Variants in KCNH8 observed in about 807,000 individuals in gnomAD.
KCNH8 encodes the protein voltage-gated delayed rectifier potassium channel KCNH8.
A neutral mutation model predicts 103.6 loss-of-function variants in KCNH8; 70 were observed. The ratio of observed to expected loss-of-function variants is 0.68; its 90% CI spans 0.56 to 0.82. KCNH8 has a LOEUF of 0.82. Ranked by LOEUF, KCNH8 falls within the 40% of genes least tolerant of loss-of-function variation. The pLI, the probability that KCNH8 is intolerant of heterozygous loss-of-function variation, is 0.00. For missense variants in KCNH8, 1,217 were observed against 1,329.9 expected (o/e 0.92, Z 1.32); for synonymous variants, 498 against 489.4 (o/e 1.02, Z -0.23).
chr3:19,226,901 G>T (rs2063938665), intron 1 of KCNH8, among the ~76,000 whole-genome samples: 1 of 152,116 alleles, frequency 6.6e-6, no homozygotes, highest in Non-Finnish European at 1.5e-5. Context: ...ATACAATTCT[G>T]CAGATCCACA....
intron 3 of KCNH8, among the ~76,000 whole-genome samples, chr3:19,286,398 G>C (rs2125277867): frequency 6.6e-6 from 1 of 152,334 alleles, no homozygotes; most frequent in South Asian, 2.1e-4. Context: ...AATGCACAGA[G>C]GGACTGCTGA....
intron 15 of KCNH8, among the ~76,000 whole-genome samples, chr3:19,527,805 C>T (rs2069091457): frequency 6.6e-6 from 1 of 152,034 alleles, no homozygotes; most frequent in Middle Eastern, 3.2e-3. Context: ...AAATGCGTTG[C>T]CTGCAAAACA....
At chr3:19,369,537 CA>C (rs778832553) in intron 5 of KCNH8, among the ~76,000 whole-genome samples, 12 of 152,050 alleles carry the variant, frequency 7.9e-5, no homozygotes, top group South Asian at 6.2e-4. Context: ...TGGTGGCCCC[CA>C]AAACAGTATC....
At chr3:19,311,845 A>C (rs1014662852) in intron 3 of KCNH8, among the ~76,000 whole-genome samples, 1 of 151,952 alleles carries the variant, frequency 6.6e-6, no homozygotes, top group Non-Finnish European at 1.5e-5. Flanking sequence ...AGCCTTTCTG[A>C]GAACTGAGTT....
chr3:19,153,609 C>A (rs142428142), intron 1 of KCNH8, among the ~76,000 whole-genome samples: 111 of 147,316 alleles, frequency 7.5e-4, no homozygotes, highest in Non-Finnish European at 9.5e-4. Context: ...TTTTCTTTTT[C>A]TTTTCTTTTC....
intron 4 of KCNH8, among the ~76,000 whole-genome samples, chr3:19,344,246 A>G (rs2065700232): frequency 6.6e-6 from 1 of 152,042 alleles, no homozygotes; most frequent in South Asian, 2.1e-4. Flanking sequence ...AAAGCACCTA[A>G]ACAAATATTA....
At chr3:19,468,154 C>G (rs1044292962) in intron 11 of KCNH8, among the ~76,000 whole-genome samples, 4 of 152,072 alleles carry the variant, frequency 2.6e-5, no homozygotes, top group Non-Finnish European at 5.9e-5. Context: ...TGTATATTTT[C>G]TTGCTCATGA....
chr3:19,350,056 C>G (rs2065779271), intron 5 of KCNH8, among the ~76,000 whole-genome samples: 1 of 152,074 alleles, frequency 6.6e-6, no homozygotes, highest in African/African-American at 2.4e-5. Context: ...AAAAACTTTC[C>G]TATTCTTTCC....
chr3:19,377,441 A>G (rs936685270), intron 5 of KCNH8, among the ~76,000 whole-genome samples: 6 of 152,226 alleles, frequency 3.9e-5, no homozygotes, highest in Non-Finnish European at 7.3e-5. Context: ...ATAGCCATTT[A>G]AATCAGACGT....
intron 1 of KCNH8, among the ~76,000 whole-genome samples, chr3:19,178,895 CAGGAGGCTGTGTGTT>C (rs1420917768): frequency 6.6e-6 from 1 of 152,048 alleles, no homozygotes; most frequent in Non-Finnish European, 1.5e-5. Context: ...ACTCCTGAGG[CAGGAGGCTGTGTGTT>C]AGATGGATTA....
At chr3:19,234,225 A>G (rs1399555733) in intron 1 of KCNH8, among the ~76,000 whole-genome samples, 2 of 152,170 alleles carry the variant, frequency 1.3e-5, no homozygotes, top group Non-Finnish European at 2.9e-5. Context: ...GGCTTCACTT[A>G]GTGGATCCCG....
chr3:19,228,458 A>C (rs928910223), intron 1 of KCNH8, among the ~76,000 whole-genome samples: 1 of 152,184 alleles, frequency 6.6e-6, no homozygotes, highest in African/African-American at 2.4e-5. Context: ...TTATTTTGTA[A>C]CATATGAGAG....
intron 11 of KCNH8, among the ~76,000 whole-genome samples, chr3:19,463,542 A>C (rs1230560338): frequency 6.6e-6 from 1 of 152,138 alleles, no homozygotes; most frequent in Admixed American, 6.5e-5. Context: ...AGAAATATAA[A>C]AATGAAAATA....
At chr3:19,504,136 C>T (rs551157452) in intron 11 of KCNH8, among the ~76,000 whole-genome samples, 47 of 152,116 alleles carry the variant, frequency 3.1e-4, no homozygotes, top group African/African-American at 1.1e-3. Context: ...ACTGGCTAGC[C>T]ATATGCAGAA....
At chr3:19,482,528 A>G (rs1299569317) in intron 11 of KCNH8, among the ~76,000 whole-genome samples, 1 of 152,220 alleles carries the variant, frequency 6.6e-6, no homozygotes. Context: ...GTAGCAGTGA[A>G]GCTTTTTATC....
chr3:19,310,808 T>G (rs892881311), intron 3 of KCNH8, among the ~76,000 whole-genome samples: 2 of 151,858 alleles, frequency 1.3e-5, no homozygotes, highest in African/African-American at 4.8e-5. Context: ...ATTATAACTA[T>G]TCATAATAAA....
At chr3:19,291,683 A>G (rs1285441308) in intron 3 of KCNH8, among the ~76,000 whole-genome samples, 9 of 152,138 alleles carry the variant, frequency 5.9e-5, no homozygotes, top group Non-Finnish European at 1.5e-5. Context: ...CAATTTTGGA[A>G]TAGGTGTGGT....
intron 11 of KCNH8, among the ~76,000 whole-genome samples, chr3:19,481,765 A>C (rs1488709663): frequency 6.6e-6 from 1 of 152,228 alleles, no homozygotes; most frequent in African/African-American, 2.4e-5. Flanking sequence ...TCTACAGTAC[A>C]TCAGGCATTT....
chr3:19,292,396 G>A (rs2064940903), intron 3 of KCNH8, among the ~76,000 whole-genome samples: 1 of 152,138 alleles, frequency 6.6e-6, no homozygotes, highest in African/African-American at 2.4e-5. Flanking sequence ...TGTCTAAGTG[G>A]CAAGCTGCAG....
Sources: gnomAD v4.1 joint callset for allele counts (sites outside exome capture counted in the v4.1 genomes callset) on GRCh38, gnomAD v4.1.1 for gene constraint, MANE v1.5 for transcripts, NCBI Gene and HGNC (gene_info 2026-07-23, HGNC 2026-07-21) for gene names.